ZNF529: variants seen among roughly 807,000 people sequenced by gnomAD.
ZNF529 encodes zinc finger protein 529.
A neutral mutation model predicts 10.1 loss-of-function variants in ZNF529; 11 were observed. That is an observed-to-expected ratio of 1.09 (90% CI 0.69 to 1.81). The LOEUF (loss-of-function observed/expected upper bound fraction) is 1.81, where lower values mean the gene tolerates loss of function less well. ZNF529 is among the 40% of genes most tolerant of loss of function. The pLI, the probability that ZNF529 is intolerant of heterozygous loss-of-function variation, is 0.00. For missense variants in ZNF529, 624 were observed against 666.8 expected (o/e 0.94, Z 0.71); for synonymous variants, 204 against 215.7 (o/e 0.95, Z 0.47).
At chr19:36,585,910 T>C (rs888785515) in intron 2 of ZNF529, among the ~76,000 whole-genome samples, 4 of 152,226 alleles carry the variant, frequency 2.6e-5, no homozygotes, top group African/African-American at 7.2e-5. Context: ...TGTCTTAACA[T>C]TTACGCTTAC....
chr19:36,547,230 A>G lies in ZNF529; in HGVS notation c.1328T>C (p.Ile443Thr). ...VGSELTRHER[I>T]HSGQKPYECK... The stretch of plus-strand genomic sequence containing the variant: ...TTCATAAGGTTTTTGACCACTGTGA[A>G]TTCTTTCATGTCGAGTAAGTTCACT... The change falls in exon 5 of 5, where the codon ATT becomes ACT. Residue 443 changes from isoleucine (I) to threonine (T), a missense_variant. By Grantham distance (89) the Ile-to-Thr change is moderately conservative. Coordinates refer to ENST00000591340, the MANE Select transcript of ZNF529 (RefSeq NM_020951.5). 1 of 1,613,774 alleles carries G rather than the reference A, an allele frequency of 6.2e-7. No individual in the cohort carries two copies. The highest frequency in any genetic ancestry group is 8.5e-7 in the Non-Finnish European group (1 of 1,179,826).
intron 2 of ZNF529, among the ~76,000 whole-genome samples, chr19:36,578,848 T>G (rs1401582925): frequency 6.6e-6 from 1 of 150,934 alleles, no homozygotes; most frequent in Non-Finnish European, 1.5e-5. Context: ...TCTGCCAGCC[T>G]TGGCCTCCCA....
chr19:36,578,430 C>T (rs1471775282), intron 2 of ZNF529, among the ~76,000 whole-genome samples: 11 of 149,544 alleles, frequency 7.4e-5, no homozygotes, highest in Admixed American at 2.7e-4. Flanking sequence ...CTCAGCCTCC[C>T]GAGTAGCTGG....
At chr19:36,577,294 T>C (rs1313986186), upstream of ZNF529, 2 of 380,108 alleles carry the variant, frequency 5.3e-6, no homozygotes, top group South Asian at 1.9e-5. Flanking sequence ...GTAGATCACA[T>C]TATTATTAAC....
chr19:36,602,413 A>C (rs1175031573), intron 1 of ZNF529, among the ~76,000 whole-genome samples: 1 of 151,680 alleles, frequency 6.6e-6, no homozygotes, highest in African/African-American at 2.4e-5. Context: ...AATTGCATAT[A>C]ATTTTCACAT....
chr19:36,555,636 G>A (rs2035439012), intron 3 of ZNF529, among the ~76,000 whole-genome samples: 1 of 152,192 alleles, frequency 6.6e-6, no homozygotes, highest in Admixed American at 6.5e-5. Flanking sequence ...TGGCTACAGA[G>A]TAGTTTTCTT....
At chr19:36,587,205 T>C (rs1166741033) in intron 2 of ZNF529, among the ~76,000 whole-genome samples, 2 of 150,860 alleles carry the variant, frequency 1.3e-5, no homozygotes. Flanking sequence ...GCGGAGGTTG[T>C]AGTGAGCCAA....
At position 36,554,848 on chromosome 19, in the gene ZNF529, A is replaced by G. The variant is rs954442294; in HGVS notation, c.109-52T>C. 7.6e-6 allele frequency: 11 copies of G among 1,452,252 alleles called. No individual in the cohort carries two copies. The African/African-American group carries it at 1.4e-4, about 19-fold the overall frequency. 90.0% of individuals were successfully genotyped at this position (1,452,252 alleles called of 1,614,324 possible). A position where few individuals can be genotyped will look rare whatever the true frequency, so the allele number is the denominator to read the frequency against. On this transcript the variant is annotated intron_variant, in intron 3 of 4. Coordinates refer to ENST00000591340, the MANE Select transcript of ZNF529 (RefSeq NM_020951.5). ...GGTAAAATTTAAGGAAATATTTTTG[A>G]GAAAAAGACAAGAGGAATTGCCTTA...
chr19:36,578,129 A>C (rs1374614286), upstream of ZNF529, among the ~76,000 whole-genome samples: 1 of 119,760 alleles, frequency 8.4e-6, no homozygotes, highest in East Asian at 2.4e-4. Context: ...CAGTGGTGCT[A>C]TCTCGGCTCA....
chr19:36,571,436 AGGATGAGGTGGGT>A (rs1230513845), intron 2 of ZNF529, among the ~76,000 whole-genome samples: 1 of 152,110 alleles, frequency 6.6e-6, no homozygotes, highest in African/African-American at 2.4e-5. Flanking sequence ...GCACTTTGGG[AGGATGAGGTGGGT>A]GGATCACCTG....
intron 2 of ZNF529, among the ~76,000 whole-genome samples, chr19:36,580,056 A>G (rs552089688): frequency 6.6e-6 from 1 of 152,260 alleles, no homozygotes; most frequent in South Asian, 2.1e-4. Flanking sequence ...TACTTTTTAA[A>G]CTTTCTTGTT....
At chr19:36,576,023 A>AT (rs2036308538), upstream of ZNF529, among the ~76,000 whole-genome samples, 1 of 151,708 alleles carries the variant, frequency 6.6e-6, no homozygotes, top group African/African-American at 2.4e-5. Flanking sequence ...TAATTTTTGT[A>AT]TTTTTAGTAG....
At chr19:36,595,638 A>G (rs1568620157) in intron 1 of ZNF529, among the ~76,000 whole-genome samples, 1 of 129,470 alleles carries the variant, frequency 7.7e-6, no homozygotes, top group Non-Finnish European at 1.6e-5. Context: ...TTGAGACTGC[A>G]GTGAGCCTCA....
At chr19:36,563,404 C>A (rs1316696025) in intron 2 of ZNF529, among the ~76,000 whole-genome samples, 2 of 148,834 alleles carry the variant, frequency 1.3e-5, no homozygotes, top group Non-Finnish European at 1.5e-5. Flanking sequence ...GCCTGGGCAA[C>A]AGAATGAGAT....
chr19:36,573,606 G>C (rs1385525462), upstream of ZNF529: 1 of 415,048 alleles, frequency 2.4e-6, no homozygotes, highest in African/African-American at 2.0e-5. Flanking sequence ...GTGGTCTTGG[G>C]GGAGGTGGGG....
chr19:36,559,440 C>A (rs1050535284), intron 2 of ZNF529, among the ~76,000 whole-genome samples: 1 of 152,200 alleles, frequency 6.6e-6, no homozygotes, highest in Admixed American at 6.5e-5. Flanking sequence ...TCCTGAGTAG[C>A]TGGGATTACA....
Position 36,547,233 on chromosome 19 carries a change from C to A in ZNF529, c.1325G>T (p.Arg442Ile), listed in dbSNP as rs775956348. Residue 442 changes from arginine (R) to isoleucine (I), a missense_variant, in exon 5 of 5, where the codon AGA becomes ATA. Arg to Ile is a moderately conservative substitution (Grantham distance 97). Coordinates refer to ENST00000591340, the MANE Select transcript of ZNF529 (RefSeq NM_020951.5). ...ATAAGGTTTTTGACCACTGTGAATT[C>A]TTTCATGTCGAGTAAGTTCACTACC... ...GVGSELTRHE[R>I]IHSGQKPYEC... 1.2e-6 allele frequency: 2 copies of A among 1,613,800 alleles called. No individual in the cohort carries two copies. The highest frequency in any genetic ancestry group is 1.7e-6 in the Non-Finnish European group (2 of 1,179,826).
In ZNF529 at chr19:36,546,823, T is replaced by G. The variant is rs776457645; in HGVS notation, c.*43A>C. On this transcript the variant is annotated 3_prime_UTR_variant, in exon 5 of 5. Coordinates refer to ENST00000591340, the MANE Select transcript of ZNF529 (RefSeq NM_020951.5). The stretch of plus-strand genomic sequence containing the variant: ...CCTATTAAATCCATCCACAGTATTT[T>G]CCTGTGAAAATCAGAAATAAAAAAC... 1 of 1,558,570 alleles carries G rather than the reference T, an allele frequency of 6.4e-7. No individual in the cohort carries two copies. The highest frequency in any genetic ancestry group is 1.9e-5 in the Admixed American group (1 of 52,816).
chr19:36,592,562 C>A (rs2036747102), intron 1 of ZNF529, among the ~76,000 whole-genome samples: 1 of 148,758 alleles, frequency 6.7e-6, no homozygotes, highest in Non-Finnish European at 1.5e-5. Flanking sequence ...CCGCTGCAAT[C>A]CAGCCTGGGC....
Sources: gnomAD v4.1 joint callset for allele counts (sites outside exome capture counted in the v4.1 genomes callset) on GRCh38, gnomAD v4.1.1 for gene constraint, MANE v1.5 for transcripts, NCBI Gene and HGNC (gene_info 2026-07-23, HGNC 2026-07-21) for gene names.